Variants in CDCA7L observed in about 807,000 individuals in gnomAD.
The protein encoded by CDCA7L is cell division cycle-associated 7-like protein.
A neutral mutation model predicts 57.4 loss-of-function variants in CDCA7L; 44 were observed. The ratio of observed to expected loss-of-function variants is 0.77; its 90% CI spans 0.60 to 0.98. The LOEUF is 0.98. CDCA7L is among the 50% of genes least tolerant of loss of function. CDCA7L has a pLI of 0.00. For synonymous variants in CDCA7L, 236 were observed against 202.8 expected (o/e 1.16, Z -1.39); for missense variants, 644 against 580.6 (o/e 1.11, Z -1.12).
intron 1 of CDCA7L, among the ~76,000 whole-genome samples, chr7:21,945,427 G>T (rs1347856611): frequency 6.6e-6 from 1 of 151,896 alleles, no homozygotes; most frequent in African/African-American, 2.4e-5. Flanking sequence ...AGAAAGTGTG[G>T]GGAGTGCACA....
At position 21,902,831 on chromosome 7, in the gene CDCA7L, A is replaced by G. The variant is rs572618997; in HGVS notation, c.1334+147T>C. On this transcript the variant is annotated intron_variant, in intron 9 of 9. Transcript: ENST00000406877. ...AAAATATCAGGCCTGAGCTTTTCCA[A>G]TGCAAACAGATACAGAATGGATGGT... 27 of 696,008 alleles carry G rather than the reference A, an allele frequency of 3.9e-5. No homozygotes were observed. The East Asian group carries it at 6.7e-4, about 17-fold the overall frequency. The allele number at this position is 696,008 out of a possible 1,614,324, so 43.1% of individuals were successfully genotyped here. A position where few individuals can be genotyped will look rare whatever the true frequency, so the allele number is the denominator to read the frequency against.
intron 3 of CDCA7L, among the ~76,000 whole-genome samples, chr7:21,910,171 C>T (rs1356485820): frequency 6.6e-6 from 1 of 152,160 alleles, no homozygotes; most frequent in Non-Finnish European, 1.5e-5. Context: ...CTTCGAATAA[C>T]CAGACATCAC....
intron 9 of CDCA7L, 86 bp from the exon 10 acceptor site, chr7:21,902,438 G>T: frequency 7.5e-7 from 1 of 1,327,530 alleles, no homozygotes; most frequent in Non-Finnish European, 1.1e-6. Flanking sequence ...AATCATCTAA[G>T]AGTACAAAGC....
intron 3 of CDCA7L, among the ~76,000 whole-genome samples, chr7:21,911,061 G>A (rs1012176349): frequency 8.3e-5 from 9 of 109,018 alleles, no homozygotes; most frequent in Non-Finnish European, 8.4e-5. Flanking sequence ...ATGGAGTCTC[G>A]CTCTGTCACC....
At chr7:21,944,449 C>CAACAAAAA (rs1786444890) in intron 1 of CDCA7L, among the ~76,000 whole-genome samples, 1 of 61,658 alleles carries the variant, frequency 1.6e-5, no homozygotes, top group African/African-American at 9.0e-5. Flanking sequence ...ACTCCGTCTC[C>CAACAAAAA]AAAAAAAAAA....
chr7:21,939,106 A>C (rs2128070660), intron 1 of CDCA7L, among the ~76,000 whole-genome samples: 1 of 152,330 alleles, frequency 6.6e-6, no homozygotes, highest in East Asian at 1.9e-4. Flanking sequence ...CAAAAGGACA[A>C]ATACCATATG....
At chr7:21,940,077 C>A (rs115156530) in intron 1 of CDCA7L, among the ~76,000 whole-genome samples, 24 of 151,984 alleles carry the variant, frequency 1.6e-4, no homozygotes, top group African/African-American at 4.3e-4. Flanking sequence ...GCTGATAGAG[C>A]TACCACTCTG....
chr7:21,904,059 C>G (rs773108585), intron 8 of CDCA7L, 51 bp downstream of exon 8: 12 of 1,497,340 alleles, frequency 8.0e-6, no homozygotes, highest in Middle Eastern at 1.8e-4. Flanking sequence ...ATCTTTATAG[C>G]TTGCTTCCTT....
At chr7:21,926,903 G>C (rs1785848739) in intron 1 of CDCA7L, among the ~76,000 whole-genome samples, 1 of 151,914 alleles carries the variant, frequency 6.6e-6, no homozygotes. Context: ...TAATAATAAA[G>C]ACATTGAATA....
chr7:21,902,503 G>A (rs569556134), intron 9 of CDCA7L, 151 bp from the exon 10 acceptor site: 196 of 736,182 alleles, frequency 2.7e-4, no homozygotes, highest in Non-Finnish European at 8.8e-5. Context: ...ATCAATATCC[G>A]TATACCCTCT....
chr7:21,909,502 A>G (rs532048998), intron 3 of CDCA7L, among the ~76,000 whole-genome samples: 5 of 152,276 alleles, frequency 3.3e-5, no homozygotes, highest in Admixed American at 3.3e-4. Flanking sequence ...TCGTTGGACT[A>G]AAGTTAGAAA....
intron 1 of CDCA7L, among the ~76,000 whole-genome samples, chr7:21,925,556 G>T (rs948955001): frequency 3.9e-5 from 6 of 152,176 alleles, no homozygotes; most frequent in Admixed American, 3.9e-4. Flanking sequence ...GGGTGAAGGC[G>T]TATATGAATT....
chr7:21,911,478 T>C (rs1785325340), intron 3 of CDCA7L, 139 bp downstream of exon 3: 2 of 1,038,998 alleles, frequency 1.9e-6, no homozygotes, highest in Middle Eastern at 2.2e-4. Flanking sequence ...GCAATTTTTT[T>C]AGGTTATGTT....
In CDCA7L at chr7:21,904,106, C is replaced by T; in HGVS notation, c.1197+4G>A. The T allele has an allele frequency of 6.3e-7, 1 of 1,592,242 alleles. No individual in the cohort carries two copies. Among genetic ancestry groups the T allele is most frequent in the Non-Finnish European group, 8.5e-7 (1 of 1,170,390 alleles). On this transcript the variant is annotated splice_donor_region_variant and intron_variant, in intron 8 of 9. Coordinates refer to ENST00000406877, the MANE Select transcript of CDCA7L (RefSeq NM_018719.5). ...TTTACAACAAATGCAAACACTGTTC[C>T]TACCGGGTCCAGCAATGCCGATCTG...
chr7:21,923,949 C>A (rs1201919961), intron 1 of CDCA7L, among the ~76,000 whole-genome samples: 11 of 152,184 alleles, frequency 7.2e-5, no homozygotes, highest in Admixed American at 7.2e-4. Context: ...CAGCCTGAGT[C>A]TCCATTAAAA....
At position 21,903,059 on chromosome 7, in the gene CDCA7L, C is replaced by T. The variant is rs766188645; in HGVS notation, c.1253G>A (p.Arg418His). ...GATTCCTGTGGCACAGCGGCCGTCA[C>T]GCTTCCGACAGTAGCTGCAATTGCA... ...GICNCSYCRK[R>H]DGRCATGILI... Residue 418 changes from arginine to histidine, a missense_variant, in exon 9 of 10, where the codon CGT becomes CAT. Transcript: ENST00000406877. 11 of 1,614,084 alleles carry T rather than the reference C, an allele frequency of 6.8e-6. No homozygotes were observed. Among genetic ancestry groups the T allele is most frequent in the Admixed American group, 1.7e-5 (1 of 60,028 alleles).
intron 1 of CDCA7L, among the ~76,000 whole-genome samples, chr7:21,942,837 A>G (rs1472341301): frequency 6.6e-6 from 1 of 152,196 alleles, no homozygotes; most frequent in Non-Finnish European, 1.5e-5. Context: ...CCTTTCTGTG[A>G]CCAGCTTCTG....
At chr7:21,907,140 A>ATT (rs1488344702) in intron 4 of CDCA7L, among the ~76,000 whole-genome samples, 1 of 150,866 alleles carries the variant, frequency 6.6e-6, no homozygotes. Context: ...ACGTGAACTA[A>ATT]TAATACCAAA....
intron 3 of CDCA7L, among the ~76,000 whole-genome samples, chr7:21,908,845 C>A (rs1369887691): frequency 6.6e-6 from 1 of 152,102 alleles, no homozygotes; most frequent in East Asian, 1.9e-4. Context: ...GAGAGACAGT[C>A]ACAGAAAAGG....
Sources: allele counts gnomAD v4.1 joint callset (sites outside exome capture counted in the v4.1 genomes callset), GRCh38; gene constraint gnomAD v4.1.1; transcripts MANE v1.5; gene names NCBI Gene and HGNC (gene_info 2026-07-23, HGNC 2026-07-21).